TMEM200A: variants seen among roughly 807,000 people sequenced by gnomAD.
The protein encoded by TMEM200A is two transmembrane C.
TMEM200A carries 12 observed loss-of-function variants against 24.3 expected under a neutral mutation model. The observed-to-expected ratio is 0.49, with a 90% CI of 0.32 to 0.80. The LOEUF (loss-of-function observed/expected upper bound fraction) is 0.80. Among genes scored for constraint, TMEM200A ranks in the 30% least tolerant of loss-of-function variants. The probability of loss-of-function intolerance (pLI) is 0.04; values close to 1 mark genes in which losing one functional copy is unlikely to be tolerated. For missense variants in TMEM200A, 545 were observed against 614.4 expected, an observed-to-expected ratio of 0.89 and a Z score of 1.19; for synonymous variants, 224 against 224.4, an observed-to-expected ratio of 1.00 and a Z score of 0.02.
At chr6:130,408,322 G>C (rs1048174176) in intron 2 of TMEM200A, among the ~76,000 whole-genome samples, 1 of 152,168 alleles carries the variant, frequency 6.6e-6, no homozygotes, top group African/African-American at 2.4e-5. Flanking sequence ...AACTACACTT[G>C]AGGCCAGAGA....
chr6:130,405,313 T>G (rs1779179652), intron 2 of TMEM200A, among the ~76,000 whole-genome samples: 1 of 152,220 alleles, frequency 6.6e-6, no homozygotes, highest in Non-Finnish European at 1.5e-5. Flanking sequence ...CATTTGTTTG[T>G]GTCATCTCTC....
chr6:130,440,536 G>A lies in TMEM200A; in HGVS notation c.114G>A (p.Lys38=), dbSNP rs1780133048. Residue 38 remains lysine, a synonymous_variant, in exon 3 of 3, where the codon AAG becomes AAA. Transcript: ENST00000296978. ...CGTCTCCTGCTACCCAAGAGAAGAAGCCCATCAGGCGCCGGCCCCGGGCAG... is the reference window on the plus strand; with the variant it reads ...CGTCTCCTGCTACCCAAGAGAAGAAACCCATCAGGCGCCGGCCCCGGGCAG... ...LSPSPATQEK[K]PIRRRPRADV... 1 of 1,613,982 alleles carries A rather than the reference G, an allele frequency of 6.2e-7. No homozygotes were observed. The highest frequency in any genetic ancestry group is 8.5e-7 in the Non-Finnish European group (1 of 1,179,964).
chr6:130,423,287 CTA>C (rs1045900164), intron 2 of TMEM200A, among the ~76,000 whole-genome samples: 1 of 152,060 alleles, frequency 6.6e-6, no homozygotes, highest in Non-Finnish European at 1.5e-5. Context: ...ATTTTGGTAT[CTA>C]TCTATTATTC....
chr6:130,411,691 T>G (rs143887935), intron 2 of TMEM200A, among the ~76,000 whole-genome samples: 37 of 152,282 alleles, frequency 2.4e-4, no homozygotes, highest in African/African-American at 8.2e-4. Flanking sequence ...AAGGTTGGTT[T>G]GTTTGGTGCT....
intron 2 of TMEM200A, among the ~76,000 whole-genome samples, chr6:130,405,949 G>A (rs765310239): frequency 2.6e-5 from 4 of 152,164 alleles, no homozygotes; most frequent in African/African-American, 7.2e-5. Flanking sequence ...TGCAAAACCA[G>A]CAATTTCATC....
chr6:130,401,570 C>T (rs751359694), intron 2 of TMEM200A, among the ~76,000 whole-genome samples: 27 of 151,162 alleles, frequency 1.8e-4, no homozygotes, highest in Admixed American at 4.6e-4. Context: ...GTGCTGCAAC[C>T]AGGTATCCTT....
At chr6:130,381,291 C>T (rs1384415583) in intron 1 of TMEM200A, among the ~76,000 whole-genome samples, 1 of 152,200 alleles carries the variant, frequency 6.6e-6, no homozygotes, top group Non-Finnish European at 1.5e-5. Flanking sequence ...TGACCTTCAT[C>T]AGCAATGGGT....
In TMEM200A at chr6:130,380,740, G is replaced by A. The variant is rs529831317; in HGVS notation, c.-80-4433G>A. On this transcript the variant is annotated intron_variant, in intron 1 of 2. Transcript: ENST00000296978. The stretch of plus-strand genomic sequence containing the variant: ...AAAATTCAAAATCAGCCTTGTGTGA[G>A]CATTGTCTCAAGGTGATTAACTACA... Among the ~76,000 whole-genome samples, 11 of 152,304 alleles carry A rather than the reference G, an allele frequency of 7.2e-5. No homozygotes were observed. The South Asian group carries it at 1.9e-3, about 26-fold the overall frequency.
intron 2 of TMEM200A, among the ~76,000 whole-genome samples, chr6:130,399,933 A>G (rs1167892073): frequency 6.6e-6 from 1 of 151,892 alleles, no homozygotes; most frequent in East Asian, 1.9e-4. Flanking sequence ...AGAACATACA[A>G]TGTTTGGTTT....
intron 2 of TMEM200A, among the ~76,000 whole-genome samples, chr6:130,411,235 C>A (rs370749706): frequency 6.6e-6 from 1 of 151,718 alleles, no homozygotes; most frequent in East Asian, 1.9e-4. Context: ...CAGTAGTTGA[C>A]TGTGTTGGGA....
In TMEM200A at chr6:130,403,475, T is replaced by C. The variant is rs1779133236; in HGVS notation, c.-17+18239T>C. Among the ~76,000 whole-genome samples, 4 of 152,128 alleles carry C rather than the reference T, an allele frequency of 2.6e-5. No homozygotes were observed. In the South Asian group the frequency reaches 8.3e-4, roughly 32 times the overall value. Reference sequence around the variant, plus strand: ...GCTGATTCACAATGGTGATTATTTATATAATCAGAACATTATTAGAAGAGG... The same window carrying C: ...GCTGATTCACAATGGTGATTATTTACATAATCAGAACATTATTAGAAGAGG... On this transcript the variant is annotated intron_variant, in intron 2 of 2. Coordinates refer to ENST00000296978, the MANE Select transcript of TMEM200A (RefSeq NM_001258277.2).
chr6:130,401,177 C>T (rs1306575840), intron 2 of TMEM200A, among the ~76,000 whole-genome samples: 1 of 151,992 alleles, frequency 6.6e-6, no homozygotes, highest in African/African-American at 2.4e-5. Flanking sequence ...CTCAGAGTGC[C>T]ACCTCACTGT....
At chr6:130,435,865 C>A (rs1018992155) in intron 2 of TMEM200A, among the ~76,000 whole-genome samples, 1 of 152,192 alleles carries the variant, frequency 6.6e-6, no homozygotes, top group African/African-American at 2.4e-5. Flanking sequence ...AAGTGGTCTC[C>A]TTTGAGTCTG....
Position 130,441,739 on chromosome 6 carries a change from G to T in TMEM200A, c.1317G>T (p.Pro439=). 6.2e-7 allele frequency: 1 copy of T among 1,614,046 alleles called. No individual in the cohort carries two copies. The highest frequency in any genetic ancestry group is 8.5e-7 in the Non-Finnish European group (1 of 1,179,970). Residue 439 remains proline, a synonymous_variant, in exon 3 of 3, where the codon CCG becomes CCT. Transcript: ENST00000296978. The part of the protein sequence containing the change: ...GYMKLENKED[P]MDRLLVPQVA... ...TGAAACTAGAGAACAAAGAAGACCC[G>T]ATGGATAGGTTGCTTGTGCCCCAAG...
At chr6:130,384,849 T>TA (rs1778677615) in intron 1 of TMEM200A, among the ~76,000 whole-genome samples, 1 of 152,212 alleles carries the variant, frequency 6.6e-6, no homozygotes, top group African/African-American at 2.4e-5. Flanking sequence ...TTCTTTTCAT[T>TA]TTCTTTAGAA....
chr6:130,436,429 A>G (rs1780012289), intron 2 of TMEM200A, among the ~76,000 whole-genome samples: 1 of 136,114 alleles, frequency 7.3e-6, no homozygotes, highest in Non-Finnish European at 1.5e-5. Context: ...AAACAAAACA[A>G]AAAAAAACAG....
At chr6:130,373,876 A>T (rs957556211) in intron 1 of TMEM200A, among the ~76,000 whole-genome samples, 9 of 152,164 alleles carry the variant, frequency 5.9e-5, no homozygotes, top group African/African-American at 2.2e-4. Flanking sequence ...TCACTAGGTG[A>T]TTGTTTTTAT....
At chr6:130,390,603 A>G (rs1321321220) in intron 2 of TMEM200A, among the ~76,000 whole-genome samples, 1 of 152,190 alleles carries the variant, frequency 6.6e-6, no homozygotes, top group African/African-American at 2.4e-5. Context: ...TTTTATGACT[A>G]TTTCTCCTCC....
Position 130,441,442 on chromosome 6 carries a change from C to A in TMEM200A, c.1020C>A (p.Pro340=), listed in dbSNP as rs544062748. ...PLPNTSESFQ[P]VSTVLPRNNS... ...CCAACACCAGTGAATCCTTCCAGCC[C>A]GTCAGCACAGTGCTACCAAGGAATA... The change falls in exon 3 of 3, where the codon CCC becomes CCA. Residue 340 remains proline (P), a synonymous_variant. Transcript: ENST00000296978. The A allele has an allele frequency of 3.1e-6, 5 of 1,613,930 alleles. No individual in the cohort carries two copies. The African/African-American group carries it at 6.7e-5, about 22-fold the overall frequency.
Sources: gnomAD v4.1 joint callset for allele counts (sites outside exome capture counted in the v4.1 genomes callset) on GRCh38, gnomAD v4.1.1 for gene constraint, MANE v1.5 for transcripts, NCBI Gene and HGNC (gene_info 2026-07-23, HGNC 2026-07-21) for gene names.